PEX13: variants seen among roughly 807,000 people sequenced by gnomAD.
PEX13 encodes peroxisomal biogenesis factor 13, also known as peroxisome biogenesis factor 13.
In PEX13, 28 loss-of-function variants were observed where a neutral mutation model predicts 34.5. The observed-to-expected ratio is 0.81, with a 90% CI of 0.60 to 1.11. The LOEUF is 1.11. PEX13 is among the 50% of genes most tolerant of loss of function. The pLI, the probability that PEX13 is intolerant of heterozygous loss-of-function variation, is 0.00. For missense variants in PEX13, 550 were observed against 491.0 expected (o/e 1.12, Z -1.13); for synonymous variants, 177 against 175.1 (o/e 1.01, Z -0.09).
intron 1 of PEX13, among the ~76,000 whole-genome samples, chr2:61,026,361 T>TTA (rs1680355371): frequency 6.7e-6 from 1 of 149,256 alleles, no homozygotes; most frequent in African/African-American, 2.5e-5. Flanking sequence ...TTTTTTTTTT[T>TTA]TGAGACGGAG....
rs1201020873 is a variant in PEX13 at position 61,048,650 on chromosome 2, C to A, written c.1092C>A (p.Ala364=). Reference sequence around the variant, plus strand: ...CCAACCCAACACTAACTAAAGGAGCCACGGTTGCTGATTCTTTGGATGAAC... The same window carrying A: ...CCAACCCAACACTAACTAAAGGAGCAACGGTTGCTGATTCTTTGGATGAAC... The part of the protein sequence containing the change: ...SFTNPTLTKG[A]TVADSLDEQE... The change falls in exon 4 of 4, where the codon GCC becomes GCA. Residue 364 remains alanine (A), a synonymous_variant. Transcript: ENST00000295030. The A allele has an allele frequency of 6.2e-7, 1 of 1,613,770 alleles. No homozygotes were observed. Among genetic ancestry groups the A allele is most frequent in the African/African-American group, 1.3e-5 (1 of 74,904 alleles).
chr2:61,042,775 AAT>A (rs1370709650), intron 2 of PEX13, among the ~76,000 whole-genome samples: 1 of 152,256 alleles, frequency 6.6e-6, no homozygotes, highest in Non-Finnish European at 1.5e-5. Context: ...AGCCAAAAAA[AAT>A]ATGTCCAGAG....
At chr2:61,034,178 G>A (rs1019221571) in intron 2 of PEX13, among the ~76,000 whole-genome samples, 2 of 152,014 alleles carry the variant, frequency 1.3e-5, no homozygotes, top group Non-Finnish European at 2.9e-5. Context: ...TTGTATTTTA[G>A]TAGAGACGGG....
intron 1 of PEX13, among the ~76,000 whole-genome samples, chr2:61,022,260 G>T (rs571151847): frequency 6.6e-6 from 1 of 152,248 alleles, no homozygotes; most frequent in African/African-American, 2.4e-5. Flanking sequence ...CTAACCCGTC[G>T]CAAAGAAGCT....
At chr2:61,045,606 T>C in intron 2 of PEX13, 120 bp from the exon 3 acceptor site, 2 of 756,548 alleles carry the variant, frequency 2.6e-6, no homozygotes, top group Non-Finnish European at 4.6e-6. Context: ...TTATAGTTTT[T>C]ACTTGGGAGG....
chr2:61,027,353 C>A (rs1275129228), intron 1 of PEX13, among the ~76,000 whole-genome samples: 94 of 138,670 alleles, frequency 6.8e-4, no homozygotes, highest in Middle Eastern at 3.8e-3. Flanking sequence ...AAAAAAAAAA[C>A]AAAACACACA....
At chr2:61,040,035 A>G (rs887670375) in intron 2 of PEX13, among the ~76,000 whole-genome samples, 4 of 152,192 alleles carry the variant, frequency 2.6e-5, no homozygotes, top group African/African-American at 9.7e-5. Flanking sequence ...CAAAACCACA[A>G]TGAGATACCA....
At chr2:61,018,033 C>A in intron 1 of PEX13, 182 bp downstream of exon 1, 2 of 1,423,342 alleles carry the variant, frequency 1.4e-6, no homozygotes, top group Non-Finnish European at 1.9e-6. Flanking sequence ...TGTCTCACAG[C>A]TGTTTCTGAC....
chr2:61,033,175 C>T lies in PEX13; in HGVS notation c.787+1062C>T, dbSNP rs369469792. ...TCATAAAGGATTTGGGTTGTATTCACCTTTGTATTCCTACTGTCTAACCTG... is the reference window on the plus strand; with the variant it reads ...TCATAAAGGATTTGGGTTGTATTCATCTTTGTATTCCTACTGTCTAACCTG... On this transcript the variant is annotated intron_variant, in intron 2 of 3. Transcript: ENST00000295030. Among the ~76,000 whole-genome samples, 6 of 152,082 alleles carry T rather than the reference C, an allele frequency of 3.9e-5. No homozygotes were observed. The East Asian group carries it at 7.7e-4, about 20-fold the overall frequency.
chr2:61,027,413 G>A (rs904625239), intron 1 of PEX13, among the ~76,000 whole-genome samples: 7 of 151,694 alleles, frequency 4.6e-5, no homozygotes, highest in African/African-American at 1.7e-4. Flanking sequence ...ACATCAAGTC[G>A]GTCAGTTGTT....
intron 1 of PEX13, among the ~76,000 whole-genome samples, chr2:61,027,644 C>T (rs1451922800): frequency 2.0e-5 from 3 of 152,202 alleles, no homozygotes; most frequent in African/African-American, 7.2e-5. Context: ...CTGTCACTGC[C>T]TGATTACAGA....
At chr2:61,035,348 A>G (rs1680517756) in intron 2 of PEX13, among the ~76,000 whole-genome samples, 1 of 152,198 alleles carries the variant, frequency 6.6e-6, no homozygotes, top group African/African-American at 2.4e-5. Context: ...AAAGGTAGAT[A>G]AAACTACAAA....
chr2:61,039,902 AAAC>A (rs1357987343), intron 2 of PEX13, among the ~76,000 whole-genome samples: 1 of 152,178 alleles, frequency 6.6e-6, no homozygotes, highest in Non-Finnish European at 1.5e-5. Flanking sequence ...ACAAGAAAAA[AAAC>A]AACCCCATCA....
intron 2 of PEX13, among the ~76,000 whole-genome samples, chr2:61,033,023 T>C (rs551682808): frequency 3.2e-4 from 49 of 152,112 alleles, no homozygotes; most frequent in Non-Finnish European, 6.0e-4. Context: ...GAATGGATGG[T>C]TTTTTGGTAG....
At position 61,017,756 on chromosome 2, in the gene PEX13, G is replaced by C; in HGVS notation, c.-4G>C. ...GGAGCGGGAGCCGAGAGGAGGCGGA[G>C]GAGATGGCGTCCCAGCCGCCACCTC... is the stretch of plus-strand genomic sequence containing the variant. On this transcript the variant is annotated 5_prime_UTR_variant, in exon 1 of 4. Transcript: ENST00000295030. The C allele has an allele frequency of 1.3e-6, 2 of 1,549,236 alleles. No individual in the cohort carries two copies. Among genetic ancestry groups the C allele is most frequent in the African/African-American group, 1.4e-5 (1 of 73,136 alleles).
At chr2:61,017,885 T>G (rs1220033131) in intron 1 of PEX13, 34 bp downstream of exon 1, 1 of 1,540,950 alleles carries the variant, frequency 6.5e-7, no homozygotes, top group East Asian at 2.4e-5. Context: ...GTGAGTTTAG[T>G]GGGCCCGAGC....
chr2:61,046,098 T>G lies in PEX13; in HGVS notation c.913+247T>G, dbSNP rs1306457665. Among the ~76,000 whole-genome samples the G allele has an allele frequency of 3.3e-5, 5 of 152,322 alleles. No homozygotes were observed. In the East Asian group the frequency reaches 9.6e-4, roughly 29 times the overall value. ...TTTGTTTATATAGGCTTTTCTAAAC[T>G]CAAAATACTTGAATTTCAAACTGTT... On this transcript the variant is annotated intron_variant, in intron 3 of 3. Coordinates refer to ENST00000295030, the MANE Select transcript of PEX13 (RefSeq NM_002618.4).
In PEX13 at chr2:61,045,718, G is replaced by A. The variant is rs1680695333; in HGVS notation, c.788-8G>A. On this transcript the variant is annotated splice_region_variant and splice_polypyrimidine_tract_variant and intron_variant, in intron 2 of 3. Coordinates refer to ENST00000295030, the MANE Select transcript of PEX13 (RefSeq NM_002618.4). ...ATTTTATTAACCTAATTTTAATTTG[G>A]CTTATAGACAGCATCAACTGGGCAA... 4 of 1,611,832 alleles carry A rather than the reference G, an allele frequency of 2.5e-6. No individual in the cohort carries two copies. The African/African-American group carries it at 4.0e-5, about 16-fold the overall frequency.
intron 1 of PEX13, chr2:61,018,411 G>A: frequency 8.0e-7 from 1 of 1,242,308 alleles, no homozygotes; most frequent in Non-Finnish European, 1.1e-6. Context: ...AGGAGTTCTA[G>A]ATCTGAGGCC....
Sources: gnomAD v4.1 joint callset for allele counts (sites outside exome capture counted in the v4.1 genomes callset) on GRCh38, gnomAD v4.1.1 for gene constraint, MANE v1.5 for transcripts, NCBI Gene and HGNC (gene_info 2026-07-23, HGNC 2026-07-21) for gene names.